The following MAML2 variants were observed in gnomAD, a reference collection of about 807,000 sequenced individuals.
MAML2 encodes mastermind-like protein 2.
MAML2 carries 22 observed loss-of-function variants against 96.1 expected under a neutral mutation model. The observed-to-expected ratio is 0.23, with a 90% CI of 0.16 to 0.33. The LOEUF (loss-of-function observed/expected upper bound fraction) is 0.33. Among genes scored for constraint, MAML2 ranks in the 10% least tolerant of loss-of-function variants. The pLI, the probability that MAML2 is intolerant of heterozygous loss-of-function variation, is 1.00. For synonymous variants in MAML2, 561 were observed against 521.3 expected (o/e 1.08, Z -1.04); for missense variants, 1,367 against 1,392.4 (o/e 0.98, Z 0.29).
intron 2 of MAML2, among the ~76,000 whole-genome samples, chr11:95,995,025 A>C (rs1857970464): frequency 6.6e-6 from 1 of 152,228 alleles, no homozygotes; most frequent in African/African-American, 2.4e-5. Flanking sequence ...TCCCTACAAG[A>C]GTTAGGGGAG....
At chr11:96,103,914 C>G (rs765240820) in intron 1 of MAML2, among the ~76,000 whole-genome samples, 1 of 152,184 alleles carries the variant, frequency 6.6e-6, no homozygotes, top group Non-Finnish European at 1.5e-5. Context: ...AGATCATTTC[C>G]GTTTCAGATG....
At chr11:96,184,468 AAATAAAT>A (rs1861540575) in intron 1 of MAML2, among the ~76,000 whole-genome samples, 2 of 151,588 alleles carry the variant, frequency 1.3e-5, no homozygotes, top group East Asian at 1.9e-4. Context: ...ATAAATAAAT[AAATAAAT>A]AAAAATAATG....
intron 1 of MAML2, among the ~76,000 whole-genome samples, chr11:96,332,270 G>A (rs532618364): frequency 6.6e-6 from 1 of 152,346 alleles, no homozygotes; most frequent in Non-Finnish European, 1.5e-5. Flanking sequence ...GATCGGAGAG[G>A]TGAAAGGGCT....
chr11:96,078,353 T>C (rs937232224), intron 2 of MAML2, among the ~76,000 whole-genome samples: 10 of 152,214 alleles, frequency 6.6e-5, no homozygotes, highest in South Asian at 2.1e-4. Context: ...AGTTCAATCA[T>C]AGATAGTTCA....
intron 1 of MAML2, among the ~76,000 whole-genome samples, chr11:96,259,493 G>C (rs543810601): frequency 6.6e-6 from 1 of 152,330 alleles, no homozygotes; most frequent in East Asian, 1.9e-4. Flanking sequence ...TTTATACAGA[G>C]AGGTGTCTTT....
chr11:96,034,331 A>T (rs1326100142), intron 2 of MAML2, among the ~76,000 whole-genome samples: 2 of 151,332 alleles, frequency 1.3e-5, no homozygotes, highest in African/African-American at 4.9e-5. Flanking sequence ...ACAGAATATG[A>T]CCCCCATCTC....
chr11:96,266,699 T>A (rs11021508), intron 1 of MAML2, among the ~76,000 whole-genome samples: 25,421 of 152,188 alleles, frequency 0.17, 2,576 homozygotes, highest in African/African-American at 0.26. Flanking sequence ...TAGAATCTAA[T>A]TATGAACTGA....
intron 1 of MAML2, among the ~76,000 whole-genome samples, chr11:96,124,991 C>A (rs1341759837): frequency 6.6e-6 from 1 of 152,128 alleles, no homozygotes; most frequent in African/African-American, 2.4e-5. Flanking sequence ...ACACCTGTCT[C>A]CTAAATTGGG....
At chr11:96,263,847 T>C (rs898735799) in intron 1 of MAML2, among the ~76,000 whole-genome samples, 5 of 152,302 alleles carry the variant, frequency 3.3e-5, no homozygotes, top group Non-Finnish European at 7.4e-5. Context: ...TCCCAATCCT[T>C]ATTTATTATT....
intron 1 of MAML2, among the ~76,000 whole-genome samples, chr11:96,234,229 C>T (rs974917293): frequency 8.5e-5 from 13 of 152,144 alleles, no homozygotes; most frequent in African/African-American, 2.9e-4. Context: ...CACCTGTAAT[C>T]CCAGCACTTT....
At chr11:96,095,527 C>G (rs968189661) in intron 1 of MAML2, among the ~76,000 whole-genome samples, 1 of 152,196 alleles carries the variant, frequency 6.6e-6, no homozygotes, top group Non-Finnish European at 1.5e-5. Context: ...AGACCAGGCT[C>G]TCTTTAGGTG....
At chr11:96,261,808 T>C (rs1392543828) in intron 1 of MAML2, among the ~76,000 whole-genome samples, 1 of 152,268 alleles carries the variant, frequency 6.6e-6, no homozygotes, top group East Asian at 1.9e-4. Context: ...AACAGTTTGA[T>C]TATAAACAAC....
chr11:96,272,595 C>T (rs1862932589), intron 1 of MAML2, among the ~76,000 whole-genome samples: 1 of 152,158 alleles, frequency 6.6e-6, no homozygotes, highest in African/African-American at 2.4e-5. Flanking sequence ...ATATACTTGG[C>T]TATGTTGTTT....
At chr11:96,067,674 A>G (rs151246785) in intron 2 of MAML2, among the ~76,000 whole-genome samples, 2 of 152,308 alleles carry the variant, frequency 1.3e-5, no homozygotes, top group African/African-American at 2.4e-5. Flanking sequence ...TTGTTATGAG[A>G]AATCTACTGA....
chr11:96,339,043 G>C (rs1425305073), intron 1 of MAML2, among the ~76,000 whole-genome samples: 1 of 152,144 alleles, frequency 6.6e-6, no homozygotes, highest in Non-Finnish European at 1.5e-5. Flanking sequence ...AAAATGGAGA[G>C]GGAATTTCCA....
At chr11:96,131,201 G>A (rs1201066755) in intron 1 of MAML2, among the ~76,000 whole-genome samples, 7 of 151,856 alleles carry the variant, frequency 4.6e-5, no homozygotes. Context: ...TAAAGGCAAA[G>A]AATGACAAAA....
intron 3 of MAML2, among the ~76,000 whole-genome samples, chr11:95,990,362 C>T (rs1565182463): frequency 1.3e-5 from 2 of 152,104 alleles, no homozygotes; most frequent in Admixed American, 6.6e-5. Flanking sequence ...TCCCCCTTCT[C>T]GTGCACACTC....
At chr11:96,161,050 G>A (rs1199184494) in intron 1 of MAML2, among the ~76,000 whole-genome samples, 2 of 152,184 alleles carry the variant, frequency 1.3e-5, no homozygotes, top group Non-Finnish European at 1.5e-5. Context: ...TTTCTGCCAG[G>A]GGAATAAATC....
At chr11:96,231,373 C>T (rs369906680) in intron 1 of MAML2, among the ~76,000 whole-genome samples, 21 of 152,272 alleles carry the variant, frequency 1.4e-4, no homozygotes, top group African/African-American at 5.1e-4. Flanking sequence ...GCTAAATATG[C>T]TTGTTTCATA....
Sources: gnomAD v4.1 joint callset for allele counts (sites outside exome capture counted in the v4.1 genomes callset) on GRCh38, gnomAD v4.1.1 for gene constraint, MANE v1.5 for transcripts, NCBI Gene and HGNC (gene_info 2026-07-23, HGNC 2026-07-21) for gene names.